DPP6: variants seen among roughly 807,000 people sequenced by gnomAD.
The protein encoded by DPP6 is A-type potassium channel modulatory protein DPP6.
A neutral mutation model predicts 122.6 loss-of-function variants in DPP6; 69 were observed. That is an observed-to-expected ratio of 0.56 (90% CI 0.46 to 0.69). The LOEUF (loss-of-function observed/expected upper bound fraction) is 0.69, where lower values mean the gene tolerates loss of function less well. DPP6 is among the 30% of genes least tolerant of loss of function. The probability of loss-of-function intolerance (pLI) is 0.00; values close to 1 mark genes in which losing one functional copy is unlikely to be tolerated. For missense variants in DPP6, 928 were observed against 1,116.9 expected (o/e 0.83, Z 2.41); for synonymous variants, 418 against 433.1 (o/e 0.97, Z 0.43).
chr7:154,653,407 ATGAT>A (rs1320000196), intron 6 of DPP6, among the ~76,000 whole-genome samples: 3 of 152,226 alleles, frequency 2.0e-5, no homozygotes, highest in African/African-American at 7.2e-5. Flanking sequence ...TGATAGATAA[ATGAT>A]AGATAGATGA....
the DPP6 span, among the ~76,000 whole-genome samples, chr7:153,871,321 T>C: frequency 6.6e-6 from 1 of 152,212 alleles, no homozygotes; most frequent in East Asian, 1.9e-4. Flanking sequence ...TCCCGGCTGC[T>C]TTGTTTACCT....
chr7:154,554,643 A>G (rs1829885647), intron 4 of DPP6, among the ~76,000 whole-genome samples: 1 of 152,192 alleles, frequency 6.6e-6, no homozygotes, highest in Admixed American at 6.5e-5. Context: ...GTAGACCAAT[A>G]TTTTTAAAGT....
chr7:154,669,305 A>C, intron 6 of DPP6, 55 bp from the exon 7 acceptor site: 1 of 1,551,464 alleles, frequency 6.4e-7, no homozygotes, highest in East Asian at 2.4e-5. Flanking sequence ...GCAGCAGCTT[A>C]AATTCTTGGT....
At chr7:153,887,548 C>T (rs761963343) in exon 1 of DPP6, 306 of 1,002,564 alleles carry the variant, frequency 3.1e-4, no homozygotes, top group Non-Finnish European at 4.4e-4. Flanking sequence ...AACTGAAGAC[C>T]TGGAAGATTT....
At chr7:154,340,702 G>A (rs73493261) in intron 1 of DPP6, among the ~76,000 whole-genome samples, 2,212 of 152,266 alleles carry the variant, frequency 0.015, 26 homozygotes, top group African/African-American at 0.017. Flanking sequence ...TGTTTTTCAT[G>A]AATAGGTGGC....
chr7:154,098,903 C>T (rs1185289467), intron 1 of DPP6, among the ~76,000 whole-genome samples: 2 of 152,238 alleles, frequency 1.3e-5, no homozygotes, highest in Non-Finnish European at 2.9e-5. Flanking sequence ...TAAACTCATT[C>T]TTGCCCCATA....
At chr7:153,976,961 G>T (rs776146985) in intron 1 of DPP6, among the ~76,000 whole-genome samples, 17 of 152,146 alleles carry the variant, frequency 1.1e-4, no homozygotes, top group Non-Finnish European at 1.5e-4. Context: ...GGTGAGCCGT[G>T]GTCCTGCTCA....
the DPP6 span, among the ~76,000 whole-genome samples, chr7:153,790,569 G>T: frequency 6.6e-6 from 1 of 152,188 alleles, no homozygotes; most frequent in Non-Finnish European, 1.5e-5. Context: ...CATTAGGTTA[G>T]CAAATATTGA....
chr7:154,876,305 T>G, intron 20 of DPP6: 68 of 865,798 alleles, frequency 7.9e-5, no homozygotes, highest in East Asian at 2.0e-4. Context: ...ATAACTAGTT[T>G]TCCCACTGCA....
chr7:154,311,664 AG>A (rs1422364134), intron 1 of DPP6, among the ~76,000 whole-genome samples: 1 of 152,186 alleles, frequency 6.6e-6, no homozygotes, highest in Admixed American at 6.5e-5. Flanking sequence ...CACACAGCCC[AG>A]GTAGAATGAT....
At chr7:154,451,873 G>A (rs1820410237) in intron 2 of DPP6, among the ~76,000 whole-genome samples, 1 of 152,222 alleles carries the variant, frequency 6.6e-6, no homozygotes, top group Admixed American at 6.5e-5. Context: ...GGGATGGGGT[G>A]TCCAAGGTTT....
intron 16 of DPP6, among the ~76,000 whole-genome samples, chr7:154,822,466 G>A (rs781512753): frequency 3.3e-5 from 5 of 152,048 alleles, no homozygotes; most frequent in Non-Finnish European, 5.9e-5. Flanking sequence ...CCTAAGGCCC[G>A]ACCCCCTAAC....
Position 154,384,773 on chromosome 7 carries a change from G to A in DPP6, c.244-61441G>A, listed in dbSNP as rs188888936. Among the ~76,000 whole-genome samples the A allele has an allele frequency of 3.1e-3, 439 of 142,116 alleles. 2 individuals carry two copies. The highest frequency in any genetic ancestry group is 0.011 in the African/African-American group (413 of 37,516). 93.2% of individuals were successfully genotyped at this position (142,116 alleles called of 152,430 possible). Reference sequence around the variant, plus strand: ...TTTTGAGACAGAGTCTCGCTCTGTCGCCCAGGTGACATTTCTCACAATAGC... The same window carrying A: ...TTTTGAGACAGAGTCTCGCTCTGTCACCCAGGTGACATTTCTCACAATAGC... On this transcript the variant is annotated intron_variant, in intron 1 of 25. Coordinates refer to ENST00000377770, the MANE Select transcript of DPP6 (RefSeq NM_130797.4).
intron 20 of DPP6, among the ~76,000 whole-genome samples, 156 bp from the exon 21 acceptor site, chr7:154,880,732 A>G (rs911233266): frequency 6.6e-6 from 1 of 152,226 alleles, no homozygotes; most frequent in African/African-American, 2.4e-5. Context: ...AATAAATAAA[A>G]GCAATAAATA....
intron 1 of DPP6, among the ~76,000 whole-genome samples, chr7:154,152,982 T>C (rs1181382062): frequency 6.6e-6 from 1 of 152,186 alleles, no homozygotes; most frequent in African/African-American, 2.4e-5. Flanking sequence ...CCAAGCTAAG[T>C]TTTCAGTGTA....
chr7:154,059,141 G>A (rs1271482723), intron 1 of DPP6: 6 of 147,282 alleles, frequency 4.1e-5, no homozygotes, highest in African/African-American at 1.6e-4. Flanking sequence ...GGTGGGGACT[G>A]AGAGCTATCC....
chr7:154,371,010 T>C (rs1812605223), intron 1 of DPP6, among the ~76,000 whole-genome samples: 2 of 152,166 alleles, frequency 1.3e-5, no homozygotes, highest in Non-Finnish European at 2.9e-5. Context: ...CTCTGTTTGA[T>C]TCAAAGGTCT....
chr7:154,763,537 G>A (rs550401852), intron 8 of DPP6, among the ~76,000 whole-genome samples: 17 of 152,186 alleles, frequency 1.1e-4, no homozygotes, highest in Non-Finnish European at 2.5e-4. Context: ...ATATAGATGC[G>A]AGGGTTTAGC....
At chr7:154,577,564 C>T (rs1231454298) in intron 5 of DPP6, among the ~76,000 whole-genome samples, 1 of 152,146 alleles carries the variant, frequency 6.6e-6, no homozygotes, top group East Asian at 1.9e-4. Flanking sequence ...GACCACCCAC[C>T]AGCTTGCCAA....
Sources: allele counts gnomAD v4.1 joint callset (sites outside exome capture counted in the v4.1 genomes callset), GRCh38; gene constraint gnomAD v4.1.1; transcripts MANE v1.5; gene names NCBI Gene and HGNC (gene_info 2026-07-23, HGNC 2026-07-21).